The following N4BP2L1 variants were observed in gnomAD, a reference collection of about 807,000 sequenced individuals.
The protein encoded by N4BP2L1 is NEDD4-binding protein 2-like 1.
Under a neutral mutation model 21.2 loss-of-function variants are expected in N4BP2L1, and 12 were observed. The ratio of observed to expected loss-of-function variants is 0.57; its 90% CI spans 0.36 to 0.92. The LOEUF is 0.92. Among genes scored for constraint, N4BP2L1 ranks in the 40% least tolerant of loss-of-function variants. N4BP2L1 has a pLI of 0.01. For synonymous variants in N4BP2L1, 104 were observed against 112.8 expected (o/e 0.92, Z 0.49); for missense variants, 259 against 310.6 (o/e 0.83, Z 1.25).
At chr13:32,416,333 G>T (rs1459200213) in intron 1 of N4BP2L1, among the ~76,000 whole-genome samples, 1 of 152,188 alleles carries the variant, frequency 6.6e-6, no homozygotes, top group African/African-American at 2.4e-5. Context: ...GCCAACGAGT[G>T]GTACAACTGG....
At chr13:32,427,661 T>C (rs911536045) in intron 1 of N4BP2L1, among the ~76,000 whole-genome samples, 1 of 151,968 alleles carries the variant, frequency 6.6e-6, no homozygotes, top group African/African-American at 2.4e-5. Context: ...ACGAGCTCCC[T>C]CCTCTCCGTG....
chr13:32,421,342 C>T (rs1369037587), intron 1 of N4BP2L1, among the ~76,000 whole-genome samples: 1 of 152,182 alleles, frequency 6.6e-6, no homozygotes, highest in East Asian at 1.9e-4. Context: ...ATGAAAGTCC[C>T]TTTCAGGCCC....
chr13:32,408,033 C>T (rs1026326453), intron 1 of N4BP2L1, among the ~76,000 whole-genome samples: 18 of 152,342 alleles, frequency 1.2e-4, no homozygotes, highest in African/African-American at 3.8e-4. Flanking sequence ...ACTGCCGCTG[C>T]CTTCTGTAGC....
At chr13:32,428,297 A>G, upstream of N4BP2L1, 1 of 401,742 alleles carries the variant, frequency 2.5e-6, no homozygotes, top group Non-Finnish European at 4.3e-6. Flanking sequence ...CACAGCCCGG[A>G]AAACAAGGGT....
intron 1 of N4BP2L1, chr13:32,425,164 T>A (rs893095278): frequency 6.6e-6 from 1 of 152,182 alleles, no homozygotes; most frequent in Non-Finnish European, 1.5e-5. Context: ...TCTATATACA[T>A]GTGTATTTTT....
At chr13:32,428,144 A>C, upstream of N4BP2L1, 1 of 1,377,672 alleles carries the variant, frequency 7.3e-7, no homozygotes, top group Non-Finnish European at 9.5e-7. Flanking sequence ...GTCTTGGCCA[A>C]AGCTGTTGTT....
intron 1 of N4BP2L1, chr13:32,419,261 TTTGA>T: frequency 1.2e-5 from 2 of 173,402 alleles, no homozygotes; most frequent in South Asian, 1.0e-4. Flanking sequence ...TTTTTTTTTT[TTTGA>T]GACAGAGTCT....
chr13:32,413,001 G>A (rs1163279069), intron 1 of N4BP2L1, among the ~76,000 whole-genome samples: 6 of 152,114 alleles, frequency 3.9e-5, no homozygotes, highest in Non-Finnish European at 8.8e-5. Flanking sequence ...TCGGCTCACT[G>A]CAACCTCCAC....
Position 32,414,161 on chromosome 13 carries a change from C to T in N4BP2L1, c.180-6389G>A, listed in dbSNP as rs145483181. Reference sequence around the variant, plus strand: ...CCTCTCAAAGTGCTGGGATTACAGGCGTGAGCCACTGTGCCCGGCCTAACC... The same window carrying T: ...CCTCTCAAAGTGCTGGGATTACAGGTGTGAGCCACTGTGCCCGGCCTAACC... On this transcript the variant is annotated intron_variant, in intron 1 of 4. Coordinates refer to ENST00000380130, the MANE Select transcript of N4BP2L1 (RefSeq NM_052818.3). 8.6e-3 allele frequency among the ~76,000 whole-genome samples: 1,307 copies of T among 152,252 alleles called. 13 individuals carry two copies. The highest frequency in any genetic ancestry group is 0.025 in the African/African-American group (1,026 of 41,532).
intron 3 of N4BP2L1, among the ~76,000 whole-genome samples, chr13:32,404,933 T>C (rs2073376733): frequency 6.6e-6 from 1 of 152,048 alleles, no homozygotes; most frequent in Non-Finnish European, 1.5e-5. Flanking sequence ...TTTCCTTGAG[T>C]TTAGAAAACT....
chr13:32,417,588 G>C (rs116856703), intron 1 of N4BP2L1, among the ~76,000 whole-genome samples: 23 of 152,250 alleles, frequency 1.5e-4, no homozygotes, highest in African/African-American at 4.8e-4. Context: ...TGGTACCACA[G>C]AGAATGGGGC....
chr13:32,419,861 C>G (rs754126343), intron 1 of N4BP2L1, among the ~76,000 whole-genome samples: 1 of 152,238 alleles, frequency 6.6e-6, no homozygotes, highest in African/African-American at 2.4e-5. Flanking sequence ...ATGCTACTGA[C>G]ATTCTTCTTG....
chr13:32,401,536 A>G lies in N4BP2L1; in HGVS notation c.*1406T>C, dbSNP rs1276145484. The G allele has an allele frequency of 6.6e-6, 1 of 152,300 alleles. No homozygotes were observed. The highest frequency in any genetic ancestry group is 1.9e-4 in the East Asian group (1 of 5,206). The allele number at this position is 152,300 out of a possible 1,614,324, so 9.4% of individuals were successfully genotyped here. On this transcript the variant is annotated 3_prime_UTR_variant, in exon 5 of 5. Transcript: ENST00000380130. ...AGATAACGTTAAAACAGTCTCATGT[A>G]CACAGATCAAATATATAAGCAACTA...
chr13:32,428,092 G>A lies in N4BP2L1; in HGVS notation c.-10C>T, dbSNP rs1265313228. 6.9e-7 allele frequency: 1 copy of A among 1,442,476 alleles called. No individual in the cohort carries two copies. The highest frequency in any genetic ancestry group is 1.5e-5 in the African/African-American group (1 of 67,360). The allele number at this position is 1,442,476 out of a possible 1,614,324, so 89.4% of individuals were successfully genotyped here. Reference sequence around the variant, plus strand: ...GGAAACTGTCCTCCATGGGCAGGAGGGCTGGCTGCGAGAGCCCCGGGTTCC... The same window carrying A: ...GGAAACTGTCCTCCATGGGCAGGAGAGCTGGCTGCGAGAGCCCCGGGTTCC... On this transcript the variant is annotated 5_prime_UTR_variant, in exon 1 of 5. Coordinates refer to ENST00000380130, the MANE Select transcript of N4BP2L1 (RefSeq NM_052818.3).
chr13:32,427,715 G>A (rs2074867406), intron 1 of N4BP2L1, among the ~76,000 whole-genome samples, 189 bp downstream of exon 1: 2 of 152,054 alleles, frequency 1.3e-5, no homozygotes, highest in South Asian at 4.1e-4. Context: ...CTCAGGGGTC[G>A]AGGGAGGCGG....
At chr13:32,409,610 A>G (rs1182079811) in intron 1 of N4BP2L1, among the ~76,000 whole-genome samples, 1 of 152,260 alleles carries the variant, frequency 6.6e-6, no homozygotes, top group Non-Finnish European at 1.5e-5. Flanking sequence ...CAAAGGAGTC[A>G]GACCTGGCAC....
chr13:32,406,298 T>A (rs1423448316), intron 3 of N4BP2L1, among the ~76,000 whole-genome samples: 1 of 152,026 alleles, frequency 6.6e-6, no homozygotes, highest in African/African-American at 2.4e-5. Context: ...GGAATATGTA[T>A]GAAAAAAGAC....
chr13:32,419,164 G>A (rs1243200124), intron 1 of N4BP2L1, among the ~76,000 whole-genome samples: 2 of 151,292 alleles, frequency 1.3e-5, no homozygotes, highest in East Asian at 1.9e-4. Context: ...AATTACCTCC[G>A]ATGGGAGGTA....
chr13:32,424,705 T>G (rs897282843), intron 1 of N4BP2L1, among the ~76,000 whole-genome samples: 2 of 152,220 alleles, frequency 1.3e-5, no homozygotes, highest in Non-Finnish European at 2.9e-5. Flanking sequence ...TAATATGCTT[T>G]TTAAATGAAA....
Sources: allele counts gnomAD v4.1 joint callset (sites outside exome capture counted in the v4.1 genomes callset), GRCh38; gene constraint gnomAD v4.1.1; transcripts MANE v1.5; gene names NCBI Gene and HGNC (gene_info 2026-07-23, HGNC 2026-07-21).